The following EPB41L4B variants were observed in gnomAD, a reference collection of about 807,000 sequenced individuals.
EPB41L4B encodes the protein band 4.1-like protein 4B.
In EPB41L4B, 30 loss-of-function variants were observed where a neutral mutation model predicts 112.5. That is an observed-to-expected ratio of 0.27 (90% confidence interval 0.20 to 0.36). EPB41L4B has a LOEUF of 0.36. Among genes scored for constraint, EPB41L4B ranks in the 10% least tolerant of loss-of-function variants. The pLI, the probability that EPB41L4B is intolerant of heterozygous loss-of-function variation, is 1.00. For synonymous variants in EPB41L4B, 408 were observed against 439.7 expected (o/e 0.93, Z 0.90); for missense variants, 1,024 against 1,133.3 (o/e 0.90, Z 1.38).
At chr9:109,258,155 C>T in intron 7 of EPB41L4B, 22 bp downstream of exon 7, 5 of 1,606,202 alleles carry the variant, frequency 3.1e-6, no homozygotes, top group South Asian at 2.2e-5. Flanking sequence ...CATCAGAATG[C>T]TAGACGGTTG....
chr9:109,263,258 C>T (rs192149839), intron 5 of EPB41L4B, among the ~76,000 whole-genome samples, 156 bp from the exon 6 acceptor site: 23 of 152,280 alleles, frequency 1.5e-4, no homozygotes, highest in African/African-American at 5.1e-4. Flanking sequence ...ATGCAACAAG[C>T]GACTTGCACT....
At chr9:109,299,784 TC>T (rs36038198) in intron 1 of EPB41L4B, among the ~76,000 whole-genome samples, 102,389 of 152,016 alleles carry the variant, frequency 0.67, 35,653 homozygotes, top group East Asian at 0.91. Context: ...TTCTACCCCT[TC>T]CTTTCCTCCC....
intron 17 of EPB41L4B, among the ~76,000 whole-genome samples, chr9:109,212,969 G>A (rs1167712897): frequency 2.0e-5 from 3 of 152,220 alleles, no homozygotes; most frequent in Non-Finnish European, 2.9e-5. Flanking sequence ...CAAAGAAAAC[G>A]AGGAAGCATG....
chr9:109,237,656 G>A (rs1484826912), intron 15 of EPB41L4B, among the ~76,000 whole-genome samples: 1 of 152,152 alleles, frequency 6.6e-6, no homozygotes, highest in Non-Finnish European at 1.5e-5. Context: ...GGTGTGGAGA[G>A]GGTTACTAGA....
intron 6 of EPB41L4B, among the ~76,000 whole-genome samples, chr9:109,258,826 A>G (rs990683343): frequency 4.6e-5 from 7 of 152,174 alleles, no homozygotes; most frequent in Non-Finnish European, 2.9e-5. Flanking sequence ...CGAGGGCTGC[A>G]GGAGCAACTG....
chr9:109,176,460 G>T, intron 25 of EPB41L4B, 91 bp downstream of exon 25: 3 of 1,360,910 alleles, frequency 2.2e-6, no homozygotes, highest in Non-Finnish European at 3.0e-6. Context: ...TGTAGGAAAG[G>T]CCTGTACGTG....
At chr9:109,259,805 C>T (rs540986807) in intron 6 of EPB41L4B, among the ~76,000 whole-genome samples, 1 of 152,338 alleles carries the variant, frequency 6.6e-6, no homozygotes, top group African/African-American at 2.4e-5. Flanking sequence ...CCCTGCAGGG[C>T]CACTGTATCA....
intron 1 of EPB41L4B, among the ~76,000 whole-genome samples, chr9:109,319,911 C>T (rs1837788408): frequency 6.6e-6 from 1 of 152,126 alleles, no homozygotes; most frequent in African/African-American, 2.4e-5. Flanking sequence ...ATCGCAACCC[C>T]GCGGCGCAAT....
intron 15 of EPB41L4B, among the ~76,000 whole-genome samples, chr9:109,218,628 C>T (rs548615875): frequency 3.3e-5 from 5 of 152,162 alleles, no homozygotes; most frequent in African/African-American, 1.2e-4. Flanking sequence ...CACCTCCCCC[C>T]GCCCCCAGTC....
chr9:109,177,779 G>C (rs75483574), intron 24 of EPB41L4B, among the ~76,000 whole-genome samples: 1 of 150,592 alleles, frequency 6.6e-6, no homozygotes, highest in Admixed American at 6.6e-5. Context: ...CCGAGGTTGC[G>C]CCACTGCACT....
chr9:109,183,990 C>G (rs911139614), intron 23 of EPB41L4B, among the ~76,000 whole-genome samples: 2 of 152,240 alleles, frequency 1.3e-5, no homozygotes, highest in Non-Finnish European at 2.9e-5. Context: ...CAAGCCTGCT[C>G]CCCTTCCCCC....
chr9:109,221,968 G>T (rs1307897154), intron 15 of EPB41L4B, among the ~76,000 whole-genome samples: 1 of 152,218 alleles, frequency 6.6e-6, no homozygotes, highest in Non-Finnish European at 1.5e-5. Context: ...CAGGGGGAAA[G>T]AGTGCTGTGA....
At chr9:109,307,451 G>A (rs1049981077) in intron 1 of EPB41L4B, among the ~76,000 whole-genome samples, 1 of 152,152 alleles carries the variant, frequency 6.6e-6, no homozygotes, top group East Asian at 1.9e-4. Context: ...CATTGGATGT[G>A]TCACTGCTGG....
intron 15 of EPB41L4B, among the ~76,000 whole-genome samples, chr9:109,231,997 T>C (rs1833965695): frequency 6.6e-6 from 1 of 151,840 alleles, no homozygotes; most frequent in East Asian, 1.9e-4. Flanking sequence ...CCATTCTGGG[T>C]TTCTTTTTTT....
chr9:109,305,006 G>A (rs1005737563), intron 1 of EPB41L4B, among the ~76,000 whole-genome samples: 6 of 151,984 alleles, frequency 3.9e-5, no homozygotes, highest in African/African-American at 7.3e-5. Flanking sequence ...ACTAATGGTC[G>A]ATTTTGTGTC....
At chr9:109,280,844 A>G (rs1836006450) in intron 1 of EPB41L4B, among the ~76,000 whole-genome samples, 1 of 151,960 alleles carries the variant, frequency 6.6e-6, no homozygotes, top group Non-Finnish European at 1.5e-5. Context: ...ACTCGGTGGC[A>G]ACTCCTTATT....
At chr9:109,317,739 G>C (rs1375821833) in intron 1 of EPB41L4B, among the ~76,000 whole-genome samples, 8 of 152,292 alleles carry the variant, frequency 5.3e-5, no homozygotes, top group African/African-American at 1.7e-4. Flanking sequence ...GGGGTATCAC[G>C]GTCAAAGGTA....
chr9:109,182,069 C>T (rs931071364), intron 24 of EPB41L4B, among the ~76,000 whole-genome samples: 4 of 152,006 alleles, frequency 2.6e-5, no homozygotes, highest in East Asian at 1.9e-4. Flanking sequence ...ATTAGCCAGG[C>T]GTGGTGGCAA....
intron 14 of EPB41L4B, 118 bp from the exon 15 acceptor site, chr9:109,243,800 T>A: frequency 2.1e-6 from 2 of 943,976 alleles, no homozygotes; most frequent in Non-Finnish European, 3.3e-6. Context: ...ATGGAAAGGC[T>A]ATAGACCCTG....
Sources: allele counts gnomAD v4.1 joint callset (sites outside exome capture counted in the v4.1 genomes callset), GRCh38; gene constraint gnomAD v4.1.1; transcripts MANE v1.5; gene names NCBI Gene and HGNC (gene_info 2026-07-23, HGNC 2026-07-21).